CYB5R3: variants seen among roughly 807,000 people sequenced by gnomAD.
CYB5R3 encodes cytochrome b5 reductase 3, also known as NADH-cytochrome b5 reductase 3.
CYB5R3 carries 28 observed loss-of-function variants against 36.5 expected under a neutral mutation model. The ratio of observed to expected loss-of-function variants is 0.77; its 90% CI spans 0.57 to 1.05. The LOEUF (loss-of-function observed/expected upper bound fraction) is 1.05, where lower values mean the gene tolerates loss of function less well. Ranked by LOEUF, CYB5R3 falls within the 50% of genes least tolerant of loss-of-function variation. CYB5R3 has a pLI of 0.00. For synonymous variants in CYB5R3, 181 were observed against 159.8 expected (o/e 1.13, Z -1.00); for missense variants, 474 against 408.9 (o/e 1.16, Z -1.37).
At chr22:42,626,337 G>A (rs988917467) in intron 7 of CYB5R3, among the ~76,000 whole-genome samples, 5 of 152,106 alleles carry the variant, frequency 3.3e-5, no homozygotes, top group African/African-American at 1.2e-4. Flanking sequence ...TAAAACCCTG[G>A]TTTGCATCCT....
intron 1 of CYB5R3, among the ~76,000 whole-genome samples, chr22:42,639,381 AC>A (rs557469375): frequency 3.3e-4 from 50 of 150,734 alleles, no homozygotes; most frequent in Admixed American, 1.9e-3. Context: ...TAATCCCAGC[AC>A]TTTGGGAGGC....
chr22:42,626,665 G>A (rs929567545), intron 7 of CYB5R3, among the ~76,000 whole-genome samples: 1 of 152,198 alleles, frequency 6.6e-6, no homozygotes, highest in Non-Finnish European at 1.5e-5. Flanking sequence ...CCACATCCAA[G>A]GACCTCAGGC....
intron 1 of CYB5R3, among the ~76,000 whole-genome samples, chr22:42,645,618 A>G (rs1929502012): frequency 6.6e-6 from 1 of 152,060 alleles, no homozygotes; most frequent in South Asian, 2.1e-4. Flanking sequence ...GCTCCCAACA[A>G]CAGGGGCTGC....
intron 7 of CYB5R3, among the ~76,000 whole-genome samples, chr22:42,624,429 G>C (rs1439221325): frequency 6.6e-6 from 1 of 150,758 alleles, no homozygotes. Context: ...TGGCCCCCTC[G>C]GGCCTTGCCC....
At chr22:42,638,635 G>A (rs2146897847) in intron 1 of CYB5R3, among the ~76,000 whole-genome samples, 1 of 149,314 alleles carries the variant, frequency 6.7e-6, no homozygotes, top group Non-Finnish European at 1.5e-5. Flanking sequence ...CAGCTACTCA[G>A]GAGGCTGAGG....
intron 1 of CYB5R3, among the ~76,000 whole-genome samples, chr22:42,645,864 G>T (rs996148958): frequency 2.7e-5 from 4 of 147,886 alleles, no homozygotes; most frequent in Non-Finnish European, 3.0e-5. Flanking sequence ...ACAAACCCCA[G>T]TGGGCACTGA....
intron 1 of CYB5R3, among the ~76,000 whole-genome samples, chr22:42,643,710 A>C (rs1015610470): frequency 5.9e-5 from 9 of 152,076 alleles, no homozygotes; most frequent in African/African-American, 2.2e-4. Context: ...AGCATGGCCC[A>C]GGTGTTTCAC....
rs1011052509 is a variant in CYB5R3, at chr22:42,647,342, C to T, written c.21+1953G>A. 3.9e-5 allele frequency among the ~76,000 whole-genome samples: 6 copies of T among 152,292 alleles called. No individual in the cohort carries two copies. The South Asian group carries it at 6.2e-4, about 16-fold the overall frequency. On this transcript the variant is annotated intron_variant, in intron 1 of 8. Transcript: ENST00000352397. Reference sequence around the variant, plus strand: ...GAAATATATGGAATGAGGCCAAGAACGGCGTTCACACCTGTAATCCCAGCA... The same window carrying T: ...GAAATATATGGAATGAGGCCAAGAATGGCGTTCACACCTGTAATCCCAGCA...
chr22:42,648,563 T>C (rs1012400754), intron 1 of CYB5R3, among the ~76,000 whole-genome samples: 3 of 151,646 alleles, frequency 2.0e-5, no homozygotes, highest in Admixed American at 2.0e-4. Flanking sequence ...GGCAGCGTTG[T>C]GGGACGGTGG....
At chr22:42,643,195 C>T (rs867230480) in intron 1 of CYB5R3, among the ~76,000 whole-genome samples, 4 of 152,162 alleles carry the variant, frequency 2.6e-5, no homozygotes, top group Non-Finnish European at 5.9e-5. Context: ...TTGAGGAGGA[C>T]GCTCTGGTGG....
intron 1 of CYB5R3, chr22:42,646,751 G>C: frequency 5.1e-6 from 5 of 986,272 alleles, no homozygotes; most frequent in Non-Finnish European, 6.0e-6. Context: ...TTCTGCAGTG[G>C]GGGGCTCTGG....
chr22:42,634,197 C>CAA (rs35470695), intron 2 of CYB5R3, among the ~76,000 whole-genome samples: 2,397 of 135,382 alleles, frequency 0.018, 77 homozygotes, highest in African/African-American at 0.059. Context: ...ACTAAAAATA[C>CAA]AAAAAAAAAA....
At chr22:42,641,974 C>G (rs1025236228) in intron 1 of CYB5R3, among the ~76,000 whole-genome samples, 1 of 152,158 alleles carries the variant, frequency 6.6e-6, no homozygotes, top group African/African-American at 2.4e-5. Context: ...CCATACCATT[C>G]AAGGGTCCAC....
At chr22:42,622,457 G>T (rs1001800190) in intron 8 of CYB5R3, among the ~76,000 whole-genome samples, 1 of 152,148 alleles carries the variant, frequency 6.6e-6, no homozygotes, top group Non-Finnish European at 1.5e-5. Context: ...TGGAGCAGCC[G>T]ACCTGGAGGG....
chr22:42,619,318 G>GCCTGGC lies in CYB5R3; in HGVS notation c.*449_*454dup. The GCCTGGC allele has an allele frequency of 5.1e-6, 1 of 194,870 alleles. No homozygotes were observed. Among genetic ancestry groups the GCCTGGC allele is most frequent in the Non-Finnish European group, 1.1e-5 (1 of 92,594 alleles). The allele number at this position is 194,870 out of a possible 1,614,324, so 12.1% of individuals were successfully genotyped here. A position where few individuals can be genotyped will look rare whatever the true frequency, so the allele number is the denominator to read the frequency against. ...TGCAGCGTCAGGTGGTGAGGCCTGGGCCTGGCCCTGAGGCGGGAGTGGGGG... is the reference window on the plus strand; with the variant it reads ...TGCAGCGTCAGGTGGTGAGGCCTGGGCCTGGCCCTGGCCCTGAGGCGGGAGTGGGGG... On this transcript the variant is annotated 3_prime_UTR_variant, in exon 9 of 9. Transcript: ENST00000352397.
chr22:42,646,937 G>C, intron 1 of CYB5R3: 13 of 985,534 alleles, frequency 1.3e-5, no homozygotes, highest in Non-Finnish European at 1.6e-5. Flanking sequence ...GGGAGGCAGG[G>C]GAACCACAGT....
In CYB5R3 at chr22:42,619,762, G is replaced by A. The variant is rs755065376; in HGVS notation, c.*11C>T. On this transcript the variant is annotated 3_prime_UTR_variant, in exon 9 of 9. Transcript: ENST00000352397. Reference sequence around the variant, plus strand: ...GCGCGGGGCGGGTGGCCGTGTGACCGTGCCCGGCCCTCAGAAGACGAAGCA... The same window carrying A: ...GCGCGGGGCGGGTGGCCGTGTGACCATGCCCGGCCCTCAGAAGACGAAGCA... 3.5e-5 allele frequency: 55 copies of A among 1,564,820 alleles called. No individual in the cohort carries two copies. Among genetic ancestry groups the A allele is most frequent in the East Asian group, 4.6e-5 (2 of 43,128 alleles).
chr22:42,627,486 C>A, intron 6 of CYB5R3, 97 bp from the exon 7 acceptor site: 1 of 1,453,136 alleles, frequency 6.9e-7, no homozygotes, highest in South Asian at 1.2e-5. Context: ...GCCAGGACCA[C>A]TGGGCCTGGG....
At chr22:42,628,789 CA>C (rs1928448321) in intron 4 of CYB5R3, among the ~76,000 whole-genome samples, 1 of 152,164 alleles carries the variant, frequency 6.6e-6, no homozygotes, top group Non-Finnish European at 1.5e-5. Context: ...CCGACACCTA[CA>C]AAGAAATGGG....
Sources: allele counts gnomAD v4.1 joint callset (sites outside exome capture counted in the v4.1 genomes callset), GRCh38; gene constraint gnomAD v4.1.1; transcripts MANE v1.5; gene names NCBI Gene and HGNC (gene_info 2026-07-23, HGNC 2026-07-21).